NCKAP1: variants seen among roughly 807,000 people sequenced by gnomAD.
NCKAP1 encodes the protein nck-associated protein 1.
A neutral mutation model predicts 151.2 loss-of-function variants in NCKAP1; 21 were observed. That is an observed-to-expected ratio of 0.14 (90% CI 0.10 to 0.20). The LOEUF (loss-of-function observed/expected upper bound fraction) is 0.20. NCKAP1 is among the 10% of genes least tolerant of loss of function. The probability of loss-of-function intolerance (pLI) is 1.00; values close to 1 mark genes in which losing one functional copy is unlikely to be tolerated. For missense variants in NCKAP1, 933 were observed against 1,352.1 expected (o/e 0.69, Z 4.86); for synonymous variants, 484 against 451.8 (o/e 1.07, Z -0.90).
rs139871907 is a variant in NCKAP1, at chr2:182,912,369, C to T, written c.*13333G>A. 1 of 152,248 alleles carries T rather than the reference C, an allele frequency of 6.6e-6. No homozygotes were observed. The highest frequency in any genetic ancestry group is 1.9e-4 in the East Asian group (1 of 5,184). 9.4% of individuals were successfully genotyped at this position (152,248 alleles called of 1,614,324 possible). On this transcript the variant is annotated 3_prime_UTR_variant, in exon 31 of 31. Coordinates refer to ENST00000361354, the MANE Select transcript of NCKAP1 (RefSeq NM_013436.5). The stretch of plus-strand genomic sequence containing the variant: ...TGCCAAAAAGATTTCCAAATCTTTT[C>T]AGCTAAAAAGCCAGCAAAGATCAAA...
intron 15 of NCKAP1, among the ~76,000 whole-genome samples, chr2:182,974,358 T>C (rs1239660507): frequency 6.6e-6 from 1 of 151,968 alleles, no homozygotes; most frequent in Non-Finnish European, 1.5e-5. Flanking sequence ...TGCATTGAAT[T>C]GTATCCCCGA....
rs1038827292 is a variant in NCKAP1, at chr2:182,910,376, A to C, written c.*15326T>G. ...GAGGAAATATTTTTCAGAAGCTTGG[A>C]GGTCTGAGTACACATGTGGGGAAAA... On this transcript the variant is annotated 3_prime_UTR_variant, in exon 31 of 31. Coordinates refer to ENST00000361354, the MANE Select transcript of NCKAP1 (RefSeq NM_013436.5). 6.6e-6 allele frequency: 1 copy of C among 152,236 alleles called. No homozygotes were observed. Among genetic ancestry groups the C allele is most frequent in the Non-Finnish European group, 1.5e-5 (1 of 68,064 alleles). 9.4% of individuals were successfully genotyped at this position (152,236 alleles called of 1,614,324 possible).
Position 182,965,185 on chromosome 2 carries a change from G to C in NCKAP1, c.1629-377C>G, listed in dbSNP as rs1697540784. Among the ~76,000 whole-genome samples, 2 of 151,610 alleles carry C rather than the reference G, an allele frequency of 1.3e-5. 1 individual carries two copies. Among genetic ancestry groups the C allele is most frequent in the South Asian group, 4.2e-4 (2 of 4,814 alleles). On this transcript the variant is annotated intron_variant, in intron 16 of 30. Transcript: ENST00000361354. Reference sequence around the variant, plus strand: ...GCAGGTGGATCACTGGAGCCCAGGAGTTTGAGACCAGCCTGGGCAATGTGG... The same window carrying C: ...GCAGGTGGATCACTGGAGCCCAGGACTTTGAGACCAGCCTGGGCAATGTGG...
At chr2:183,028,953 A>AAT (rs1326905535) in intron 1 of NCKAP1, among the ~76,000 whole-genome samples, 48 of 15,018 alleles carry the variant, frequency 3.2e-3, no homozygotes, top group Non-Finnish European at 7.1e-3. Context: ...TTCTACTAAA[A>AAT]ATACAAAAAA....
At chr2:183,024,027 G>T in intron 1 of NCKAP1, 111 bp from the exon 2 acceptor site, 2 of 820,040 alleles carry the variant, frequency 2.4e-6, no homozygotes, top group Non-Finnish European at 2.0e-6. Context: ...TGGTGAGCAG[G>T]TGATAAAATG....
At chr2:182,935,902 G>C (rs1696864931) in intron 24 of NCKAP1, among the ~76,000 whole-genome samples, 1 of 152,124 alleles carries the variant, frequency 6.6e-6, no homozygotes, top group Non-Finnish European at 1.5e-5. Context: ...CCAGTTTGCT[G>C]AAGCTGAACA....
chr2:182,951,730 C>CATGAT (rs915209395), intron 23 of NCKAP1, among the ~76,000 whole-genome samples: 1 of 149,398 alleles, frequency 6.7e-6, no homozygotes, highest in Non-Finnish European at 1.5e-5. Context: ...TATTTTAAAA[C>CATGAT]ATGATTTCTC....
chr2:182,951,122 C>T (rs1424107300), intron 23 of NCKAP1, among the ~76,000 whole-genome samples: 3 of 151,912 alleles, frequency 2.0e-5, no homozygotes, highest in Non-Finnish European at 4.4e-5. Flanking sequence ...TGAGCCACCA[C>T]GCCTGGCTGA....
chr2:182,964,581 G>T, intron 17 of NCKAP1, 95 bp downstream of exon 17: 1 of 1,081,884 alleles, frequency 9.2e-7, no homozygotes, highest in Non-Finnish European at 1.3e-6. Context: ...GGGAAGCTAA[G>T]TTAGCTAATT....
At chr2:183,004,540 T>C (rs1462682134) in intron 2 of NCKAP1, among the ~76,000 whole-genome samples, 1 of 147,938 alleles carries the variant, frequency 6.8e-6, no homozygotes, top group Admixed American at 6.7e-5. Flanking sequence ...GACCCTACTA[T>C]TATAGGGTAA....
chr2:182,935,541 G>A, intron 24 of NCKAP1, 166 bp from the exon 25 acceptor site: 1 of 484,106 alleles, frequency 2.1e-6, no homozygotes, highest in Non-Finnish European at 3.6e-6. Flanking sequence ...GAAAGATGTT[G>A]ATAGCTGATA....
Position 182,981,351 on chromosome 2 carries a change from T to A in NCKAP1, c.1234A>T (p.Met412Leu). Residue 412 changes from methionine (M) to leucine (L), a missense_variant, in exon 13 of 31, where the codon ATG becomes TTG. Physicochemically the swap from Met to Leu is conservative, Grantham distance 15. This residue lies in a region of NCKAP1 where 607 missense variants were observed against 795.0 expected (regional missense o/e 0.76). Transcript: ENST00000361354. ...CTCACATGTGCTCTAAGTTCTTCCA[T>A]GTAAAATATTAATTCAGCAATGTGC... ...DKHIAELIFY[M>L]EELRAHVRKY... is the part of the protein sequence containing the mutation. 6.2e-7 allele frequency: 1 copy of A among 1,612,264 alleles called. No homozygotes were observed. The highest frequency in any genetic ancestry group is 8.5e-7 in the Non-Finnish European group (1 of 1,178,680).
chr2:182,935,541 G>GAT (rs1204165734), intron 24 of NCKAP1, 166 bp from the exon 25 acceptor site: 2 of 483,988 alleles, frequency 4.1e-6, no homozygotes, highest in Non-Finnish European at 7.1e-6. Context: ...GAAAGATGTT[G>GAT]ATAGCTGATA....
In NCKAP1 at chr2:182,914,530, T is replaced by C. The variant is rs140803265; in HGVS notation, c.*11172A>G. ...AAAAGAGGAAATGGAGATACTCTAG[T>C]ATGCAATTTATATGAAACCCATTAC... On this transcript the variant is annotated 3_prime_UTR_variant, in exon 31 of 31. Coordinates refer to ENST00000361354, the MANE Select transcript of NCKAP1 (RefSeq NM_013436.5). The C allele has an allele frequency of 3.3e-5, 5 of 152,176 alleles. No individual in the cohort carries two copies. The highest frequency in any genetic ancestry group is 7.3e-5 in the Non-Finnish European group (5 of 68,034). The allele number at this position is 152,176 out of a possible 1,614,324, so 9.4% of individuals were successfully genotyped here. A position where few individuals can be genotyped will look rare whatever the true frequency, so the allele number is the denominator to read the frequency against.
At chr2:182,959,691 C>A (rs1697401452) in intron 18 of NCKAP1, among the ~76,000 whole-genome samples, 1 of 152,078 alleles carries the variant, frequency 6.6e-6, no homozygotes, top group Non-Finnish European at 1.5e-5. Context: ...ACAGGGATGC[C>A]CTCTCTCACC....
intron 2 of NCKAP1, among the ~76,000 whole-genome samples, chr2:183,005,922 C>G (rs1698462261): frequency 1.3e-5 from 2 of 152,136 alleles, no homozygotes; most frequent in African/African-American, 4.8e-5. Flanking sequence ...GAAAACCGCA[C>G]CTGATTGCAC....
intron 7 of NCKAP1, 146 bp from the exon 8 acceptor site, chr2:182,995,033 A>G: frequency 4.6e-6 from 3 of 648,938 alleles, no homozygotes; most frequent in Non-Finnish European, 2.7e-6. Context: ...AGCTGGATAA[A>G]AGTTTTATTA....
intron 23 of NCKAP1, among the ~76,000 whole-genome samples, chr2:182,948,848 C>T (rs1471395891): frequency 6.6e-6 from 1 of 152,168 alleles, no homozygotes; most frequent in Non-Finnish European, 1.5e-5. Context: ...TCAGTAAGTA[C>T]AGTATCCAGA....
At chr2:182,939,386 G>A (rs375237836) in intron 24 of NCKAP1, among the ~76,000 whole-genome samples, 5 of 151,964 alleles carry the variant, frequency 3.3e-5, no homozygotes, top group Admixed American at 2.0e-4. Flanking sequence ...AAAATTAGCC[G>A]AGTGTGGTAG....
Sources: allele counts gnomAD v4.1 joint callset (sites outside exome capture counted in the v4.1 genomes callset), GRCh38; gene constraint gnomAD v4.1.1; regional missense constraint gnomAD v4.1.1; transcripts MANE v1.5; gene names NCBI Gene and HGNC (gene_info 2026-07-23, HGNC 2026-07-21).